EXOC2: variants seen among roughly 807,000 people sequenced by gnomAD.
EXOC2 encodes the protein exocyst complex component 2.
EXOC2 carries 70 observed loss-of-function variants against 131.8 expected under a neutral mutation model. The observed-to-expected ratio is 0.53, with a 90% CI of 0.44 to 0.65. The LOEUF is 0.65. EXOC2 is among the 30% of genes least tolerant of loss of function. EXOC2 has a pLI of 0.00. For missense variants in EXOC2, 923 were observed against 1,108.6 expected (o/e 0.83, Z 2.38); for synonymous variants, 411 against 398.4 (o/e 1.03, Z -0.38).
intron 23 of EXOC2, among the ~76,000 whole-genome samples, chr6:522,926 A>G (rs1765552562): frequency 6.6e-6 from 1 of 152,260 alleles, no homozygotes; most frequent in South Asian, 2.1e-4. Context: ...AGGTCAGCAC[A>G]TGACCAGTAC....
intron 1 of EXOC2, among the ~76,000 whole-genome samples, chr6:654,803 CAAAAAAAAAAAAAAAAAAAAAAAAAA>C (rs66637987): frequency 1.7e-4 from 5 of 29,562 alleles, no homozygotes; most frequent in African/African-American, 4.8e-4. Context: ...GACCCTGTCT[CAAAAAAAAAAAAAAAAAAAAAAAAAA>C]AAAAAAAAGT....
At chr6:555,051 GA>G (rs139912274) in intron 20 of EXOC2, among the ~76,000 whole-genome samples, 175 bp downstream of exon 20, 35 of 152,130 alleles carry the variant, frequency 2.3e-4, no homozygotes, top group Non-Finnish European at 2.5e-4. Flanking sequence ...AAGATGAGTT[GA>G]AAAGATAAAC....
chr6:573,639 CAAATTTTATAAACTGTATTAAT>C lies in EXOC2; in HGVS notation c.1319-1017_1319-996del, dbSNP rs1327079992. 2.6e-5 allele frequency among the ~76,000 whole-genome samples: 4 copies of C among 151,384 alleles called. No individual in the cohort carries two copies. The South Asian group carries it at 8.4e-4, about 32-fold the overall frequency. On this transcript the variant is annotated intron_variant, in intron 12 of 27. Coordinates refer to ENST00000230449, the MANE Select transcript of EXOC2 (RefSeq NM_018303.6). ...TGTTGTTAGTCCAGTGAAGGAAGGGCAAATTTTATAAACTGTATTAATAAAATTTCTTAATTTTATTAAGAAA... is the reference window on the plus strand; with the variant it reads ...TGTTGTTAGTCCAGTGAAGGAAGGGCAAAATTTCTTAATTTTATTAAGAAA...
intron 23 of EXOC2, among the ~76,000 whole-genome samples, chr6:527,163 C>A (rs1765790629): frequency 6.6e-6 from 1 of 152,192 alleles, no homozygotes; most frequent in African/African-American, 2.4e-5. Context: ...TCTCAGAGAG[C>A]TACATTAAAC....
chr6:669,520 G>C (rs1763767466), intron 1 of EXOC2: 1 of 152,308 alleles, frequency 6.6e-6, no homozygotes, highest in Non-Finnish European at 1.5e-5. Context: ...TGAGGCAGAA[G>C]ACTGGCAGGC....
intron 10 of EXOC2, among the ~76,000 whole-genome samples, chr6:596,135 G>A (rs974462323): frequency 3.9e-5 from 6 of 151,994 alleles, no homozygotes; most frequent in South Asian, 2.1e-4. Context: ...CCCGCACAGC[G>A]CCTGAGCATG....
chr6:598,760 A>G, intron 9 of EXOC2, 100 bp downstream of exon 9: 1 of 944,950 alleles, frequency 1.1e-6, no homozygotes, highest in South Asian at 1.7e-5. Context: ...CCTCATATAA[A>G]CAAAAACTAA....
chr6:581,502 G>GA (rs1330513930), intron 11 of EXOC2, among the ~76,000 whole-genome samples: 1 of 152,100 alleles, frequency 6.6e-6, no homozygotes, highest in Non-Finnish European at 1.5e-5. Context: ...ACAAAATTGC[G>GA]AACAGGCACA....
chr6:684,807 A>C (rs12660553), intron 1 of EXOC2, among the ~76,000 whole-genome samples: 4 of 152,370 alleles, frequency 2.6e-5, no homozygotes, highest in South Asian at 4.1e-4. Flanking sequence ...GAAAAAAATC[A>C]GAAATGAAAC....
At chr6:651,691 T>A (rs1391456315) in intron 1 of EXOC2, among the ~76,000 whole-genome samples, 3 of 149,790 alleles carry the variant, frequency 2.0e-5, no homozygotes, top group African/African-American at 4.9e-5. Context: ...AATAAAAAAA[T>A]AAAAAATAAA....
At chr6:585,479 C>T (rs942942222) in intron 11 of EXOC2, among the ~76,000 whole-genome samples, 2 of 152,182 alleles carry the variant, frequency 1.3e-5, no homozygotes, top group African/African-American at 4.8e-5. Context: ...ATGCAGGACT[C>T]ATAGAATTAT....
chr6:615,178 T>G (rs898652637), intron 6 of EXOC2, among the ~76,000 whole-genome samples: 2 of 105,198 alleles, frequency 1.9e-5, no homozygotes, highest in African/African-American at 1.2e-4. Context: ...TATATGTGGG[T>G]GTGGGTGTGT....
At chr6:560,361 TC>T (rs547821472) in intron 17 of EXOC2, among the ~76,000 whole-genome samples, 135 of 152,308 alleles carry the variant, frequency 8.9e-4, no homozygotes, top group African/African-American at 3.2e-3. Context: ...CAATAAGTTT[TC>T]CCTTCACACC....
At chr6:548,568 T>C (rs1290414429) in intron 22 of EXOC2, among the ~76,000 whole-genome samples, 1 of 152,236 alleles carries the variant, frequency 6.6e-6, no homozygotes. Flanking sequence ...TCTACTGGAC[T>C]CCCTTTTGCC....
At chr6:568,011 C>T (rs1758069519) in intron 13 of EXOC2, among the ~76,000 whole-genome samples, 1 of 152,216 alleles carries the variant, frequency 6.6e-6, no homozygotes, top group Non-Finnish European at 1.5e-5. Context: ...GTTAGGAGGA[C>T]TGCTTTGCTT....
intron 5 of EXOC2, among the ~76,000 whole-genome samples, chr6:618,652 T>C (rs546118195): frequency 6.6e-6 from 1 of 152,348 alleles, no homozygotes; most frequent in Admixed American, 6.5e-5. Context: ...AATGCCAACC[T>C]TTCCTCATCT....
chr6:516,348 C>T (rs892185061), intron 23 of EXOC2, among the ~76,000 whole-genome samples: 7 of 152,110 alleles, frequency 4.6e-5, no homozygotes, highest in African/African-American at 1.2e-4. Flanking sequence ...GAAGATGATC[C>T]AAACTGCAGC....
intron 17 of EXOC2, among the ~76,000 whole-genome samples, chr6:558,403 G>A (rs1052953719): frequency 8.5e-5 from 13 of 152,180 alleles, no homozygotes; most frequent in African/African-American, 2.9e-4. Context: ...TTAGGTTACT[G>A]ACCTTACTCA....
intron 13 of EXOC2, among the ~76,000 whole-genome samples, chr6:566,486 C>G (rs1757972997): frequency 6.6e-6 from 1 of 152,136 alleles, no homozygotes; most frequent in Admixed American, 6.5e-5. Context: ...GCAGAGGGAC[C>G]CCCACCTAAC....
Sources: allele counts gnomAD v4.1 joint callset (sites outside exome capture counted in the v4.1 genomes callset), GRCh38; gene constraint gnomAD v4.1.1; transcripts MANE v1.5; gene names NCBI Gene and HGNC (gene_info 2026-07-23, HGNC 2026-07-21).